The following EPHA3 variants were observed in gnomAD, a reference collection of about 807,000 sequenced individuals.
The protein encoded by EPHA3 is EPH receptor A3, also known as ephrin type-A receptor 3.
A neutral mutation model predicts 107.1 loss-of-function variants in EPHA3; 42 were observed. The observed-to-expected ratio is 0.39, with a 90% CI of 0.31 to 0.51. The LOEUF (loss-of-function observed/expected upper bound fraction) is 0.51. EPHA3 is among the 20% of genes least tolerant of loss of function. The probability of loss-of-function intolerance (pLI) is 0.78; values close to 1 mark genes in which losing one functional copy is unlikely to be tolerated. For synonymous variants in EPHA3, 461 were observed against 424.8 expected (o/e 1.09, Z -1.05); for missense variants, 1,183 against 1,211.2 (o/e 0.98, Z 0.35).
intron 15 of EPHA3, among the ~76,000 whole-genome samples, chr3:89,459,394 C>T (rs760445587): frequency 3.6e-4 from 55 of 151,858 alleles, no homozygotes; most frequent in Non-Finnish European, 7.7e-4. Flanking sequence ...AATGTTTCTT[C>T]TTTCTTCTCT....
chr3:89,187,744 A>G (rs144326941), intron 2 of EPHA3, among the ~76,000 whole-genome samples: 36 of 152,236 alleles, frequency 2.4e-4, no homozygotes, highest in African/African-American at 7.5e-4. Context: ...GAAAAGTTTA[A>G]ATTAAACAGT....
At chr3:89,428,000 G>C (rs914561954) in intron 11 of EPHA3, among the ~76,000 whole-genome samples, 3 of 151,356 alleles carry the variant, frequency 2.0e-5, no homozygotes, top group African/African-American at 7.3e-5. Context: ...ATAATATTAC[G>C]CTGTAACAAT....
At chr3:89,418,966 TTAAAG>T (rs1159936835) in intron 10 of EPHA3, among the ~76,000 whole-genome samples, 2 of 151,346 alleles carry the variant, frequency 1.3e-5, no homozygotes, top group Non-Finnish European at 3.0e-5. Context: ...GTGTCGTACT[TTAAAG>T]TATATGGAAT....
chr3:89,242,520 C>A (rs956400095), intron 3 of EPHA3, among the ~76,000 whole-genome samples: 10 of 152,156 alleles, frequency 6.6e-5, no homozygotes, highest in African/African-American at 2.4e-4. Context: ...TCACTGCAAG[C>A]TCCGCCTCCC....
chr3:89,395,054 C>A (rs1485619909), intron 5 of EPHA3, among the ~76,000 whole-genome samples: 2 of 152,180 alleles, frequency 1.3e-5, no homozygotes, highest in Non-Finnish European at 2.9e-5. Context: ...CCTATGATAT[C>A]TGATCCAAAC....
intron 13 of EPHA3, 41 bp from the exon 14 acceptor site, chr3:89,449,184 A>G (rs776347660): frequency 1.0e-5 from 16 of 1,561,404 alleles, no homozygotes; most frequent in Non-Finnish European, 1.1e-5. Context: ...TATATGTTCT[A>G]TGCATTGCTG....
intron 3 of EPHA3, among the ~76,000 whole-genome samples, chr3:89,323,452 A>G (rs983305693): frequency 2.0e-5 from 3 of 152,162 alleles, no homozygotes; most frequent in Non-Finnish European, 2.9e-5. Flanking sequence ...TGTGCAGATC[A>G]AAATAATATC....
chr3:89,429,283 C>T (rs1576373288), intron 12 of EPHA3, 116 bp downstream of exon 12: 4 of 710,084 alleles, frequency 5.6e-6, no homozygotes, highest in East Asian at 2.7e-5. Context: ...AAACTGAAAT[C>T]TTCTGAGGCT....
At chr3:89,202,112 A>T (rs116058433) in intron 2 of EPHA3, among the ~76,000 whole-genome samples, 2,358 of 151,418 alleles carry the variant, frequency 0.016, 53 homozygotes, top group African/African-American at 0.052. Flanking sequence ...TTTCTCAATA[A>T]CTCCTTGCAG....
chr3:89,290,321 T>C (rs138011498), intron 3 of EPHA3, among the ~76,000 whole-genome samples: 52 of 152,290 alleles, frequency 3.4e-4, no homozygotes, highest in African/African-American at 1.1e-3. Context: ...CCAAACTTAC[T>C]CTGATATATT....
intron 15 of EPHA3, among the ~76,000 whole-genome samples, chr3:89,455,860 C>A (rs1710087953): frequency 6.6e-6 from 1 of 152,112 alleles, no homozygotes; most frequent in South Asian, 2.1e-4. Context: ...TTACAGAGCA[C>A]CATATTCTCG....
intron 3 of EPHA3, among the ~76,000 whole-genome samples, chr3:89,310,190 A>G (rs1299025479): frequency 6.6e-6 from 1 of 152,096 alleles, no homozygotes; most frequent in Non-Finnish European, 1.5e-5. Flanking sequence ...TTCTTTATAT[A>G]TAAAGCAGAC....
intron 3 of EPHA3, among the ~76,000 whole-genome samples, chr3:89,244,296 TTTTG>T (rs944781197): frequency 6.6e-6 from 1 of 152,072 alleles, no homozygotes; most frequent in Non-Finnish European, 1.5e-5. Context: ...CTTTGTTATA[TTTTG>T]TTTATGTTGC....
In EPHA3 at chr3:89,367,114, G is replaced by A. The variant is rs539305269; in HGVS notation, c.1306+25024G>A. Among the ~76,000 whole-genome samples the A allele has an allele frequency of 4.6e-4, 69 of 150,656 alleles. 2 individuals are homozygous for A. The highest frequency in any genetic ancestry group is 8.3e-4 in the Non-Finnish European group (56 of 67,262). On this transcript the variant is annotated intron_variant, in intron 5 of 16. Transcript: ENST00000336596. ...AGTACCTTAATCCAAGTGCTTTACT[G>A]TGACTTACAAAGCTCTCCATGAACT...
intron 2 of EPHA3, among the ~76,000 whole-genome samples, chr3:89,198,896 G>A (rs547314316): frequency 6.6e-5 from 10 of 152,266 alleles, no homozygotes; most frequent in African/African-American, 2.2e-4. Context: ...TTCTGTAAAT[G>A]TCCATCTTAG....
At chr3:89,233,378 G>A (rs570504563) in intron 3 of EPHA3, among the ~76,000 whole-genome samples, 61 of 152,254 alleles carry the variant, frequency 4.0e-4, no homozygotes, top group Middle Eastern at 3.4e-3. Context: ...CATTGAACTA[G>A]TGTGCGTAAA....
intron 2 of EPHA3, among the ~76,000 whole-genome samples, chr3:89,180,986 AT>A (rs1171373422): frequency 6.6e-6 from 1 of 151,920 alleles, no homozygotes; most frequent in Non-Finnish European, 1.5e-5. Context: ...ACCCCTTTAA[AT>A]GGGATATTTT....
chr3:89,339,764 G>A (rs1224446896), intron 3 of EPHA3, among the ~76,000 whole-genome samples: 1 of 152,082 alleles, frequency 6.6e-6, no homozygotes, highest in African/African-American at 2.4e-5. Flanking sequence ...GAAAATTCTA[G>A]AATGTAATGA....
chr3:89,323,510 A>G (rs1459530832), intron 3 of EPHA3, among the ~76,000 whole-genome samples: 3 of 152,154 alleles, frequency 2.0e-5, no homozygotes, highest in African/African-American at 7.2e-5. Flanking sequence ...TTGTTGGTCC[A>G]ATAGTCATGA....
Sources: allele counts gnomAD v4.1 joint callset (sites outside exome capture counted in the v4.1 genomes callset), GRCh38; gene constraint gnomAD v4.1.1; transcripts MANE v1.5; gene names NCBI Gene and HGNC (gene_info 2026-07-23, HGNC 2026-07-21).